ZNF385D: variants seen among roughly 807,000 people sequenced by gnomAD.
The protein encoded by ZNF385D is zinc finger protein 659.
A neutral mutation model predicts 35.8 loss-of-function variants in ZNF385D; 15 were observed. That is an observed-to-expected ratio of 0.42 (90% confidence interval 0.28 to 0.64). The LOEUF (loss-of-function observed/expected upper bound fraction) is 0.64. ZNF385D is among the 30% of genes least tolerant of loss of function. The pLI, the probability that ZNF385D is intolerant of heterozygous loss-of-function variation, is 0.23. For synonymous variants in ZNF385D, 212 were observed against 186.8 expected, an observed-to-expected ratio of 1.13 and a Z score of -1.10; for missense variants, 474 against 494.6, an observed-to-expected ratio of 0.96 and a Z score of 0.39.
At chr3:21,787,804 G>T (rs1287233470) in intron 3 of ZNF385D, among the ~76,000 whole-genome samples, 1 of 151,850 alleles carries the variant, frequency 6.6e-6, no homozygotes, top group African/African-American at 2.4e-5. Flanking sequence ...GAAGAAGAGC[G>T]TACTTTTTTA....
intron 2 of ZNF385D, among the ~76,000 whole-genome samples, chr3:21,566,847 T>G (rs2063165887): frequency 6.6e-6 from 1 of 152,170 alleles, no homozygotes; most frequent in South Asian, 2.1e-4. Flanking sequence ...GGTCATTCTC[T>G]GCCTCCTCCT....
At chr3:21,425,975 G>A (rs1701005883) in intron 5 of ZNF385D, among the ~76,000 whole-genome samples, 1 of 152,076 alleles carries the variant, frequency 6.6e-6, no homozygotes, top group Non-Finnish European at 1.5e-5. Flanking sequence ...AAACTTTAGA[G>A]TCCTGAGGGG....
chr3:22,342,831 T>TC (rs1230389849), intron 2 of ZNF385D, among the ~76,000 whole-genome samples: 1 of 152,186 alleles, frequency 6.6e-6, no homozygotes, highest in Non-Finnish European at 1.5e-5. Flanking sequence ...AAAGAACTTC[T>TC]CCAAGAGACC....
At chr3:22,003,780 T>C (rs1559839489) in intron 3 of ZNF385D, among the ~76,000 whole-genome samples, 3 of 151,676 alleles carry the variant, frequency 2.0e-5, no homozygotes, top group Admixed American at 6.6e-5. Flanking sequence ...GGCGGGAGAA[T>C]TGCTTGAACC....
chr3:22,272,258 T>C (rs546037940), intron 2 of ZNF385D, among the ~76,000 whole-genome samples: 2 of 152,186 alleles, frequency 1.3e-5, no homozygotes, highest in South Asian at 4.1e-4. Flanking sequence ...TAACTTGCAA[T>C]ATTATCAACT....
At chr3:21,592,578 A>AG (rs1203628736) in intron 2 of ZNF385D, among the ~76,000 whole-genome samples, 1 of 150,088 alleles carries the variant, frequency 6.7e-6, no homozygotes, top group Non-Finnish European at 1.5e-5. Context: ...AAAAAAAACA[A>AG]TTATTGCATT....
intron 3 of ZNF385D, among the ~76,000 whole-genome samples, chr3:22,112,896 C>G (rs546546451): frequency 6.6e-6 from 1 of 152,068 alleles, no homozygotes; most frequent in South Asian, 2.1e-4. Context: ...TTCAGTAAAT[C>G]CAGAGATGAA....
At chr3:21,752,759 T>C (rs193035881), upstream of ZNF385D, among the ~76,000 whole-genome samples, 215 of 152,222 alleles carry the variant, frequency 1.4e-3, no homozygotes, top group Middle Eastern at 6.8e-3. Context: ...TTAACTTTTT[T>C]ACTCCCTTTT....
At chr3:21,475,929 T>A (rs1234835429) in intron 4 of ZNF385D, among the ~76,000 whole-genome samples, 1 of 151,810 alleles carries the variant, frequency 6.6e-6, no homozygotes, top group Non-Finnish European at 1.5e-5. Context: ...ATCCTTTAGA[T>A]ATAGCTTTTG....
At chr3:22,086,293 T>G (rs1701038505) in intron 3 of ZNF385D, among the ~76,000 whole-genome samples, 1 of 152,176 alleles carries the variant, frequency 6.6e-6, no homozygotes, top group Non-Finnish European at 1.5e-5. Flanking sequence ...TGATTGTATA[T>G]TTAGAAAACC....
At chr3:22,098,207 T>C (rs1467410867) in intron 3 of ZNF385D, among the ~76,000 whole-genome samples, 1 of 152,066 alleles carries the variant, frequency 6.6e-6, no homozygotes, top group African/African-American at 2.4e-5. Flanking sequence ...CACGTGATTT[T>C]CAACCTTGCA....
chr3:21,414,521 T>C lies in ZNF385D; in HGVS notation c.*6693A>G, dbSNP rs1700534916. 2 of 152,176 alleles carry C rather than the reference T, an allele frequency of 1.3e-5. No individual in the cohort carries two copies. The highest frequency in any genetic ancestry group is 4.8e-5 in the African/African-American group (2 of 41,450). The allele number at this position is 152,176 out of a possible 1,614,324, so 9.4% of individuals were successfully genotyped here. On this transcript the variant is annotated 3_prime_UTR_variant, in exon 8 of 8. Coordinates refer to ENST00000281523, the MANE Select transcript of ZNF385D (RefSeq NM_024697.3). ...TTTTAAAACGACTTTATGAAATTTA[T>C]AGAAATATGGCTTAGATTTTGGAGC...
rs551432145 is a variant in ZNF385D, at chr3:22,342,155, T to TA, written c.106+30294dup. Among the ~76,000 whole-genome samples the TA allele has an allele frequency of 9.2e-3, 1,391 of 151,512 alleles. 24 individuals carry two copies. Among genetic ancestry groups the TA allele is most frequent in the African/African-American group, 0.031 (1,295 of 41,274 alleles). On this transcript the variant is annotated intron_variant, in intron 2 of 5. Transcript: ENST00000494108. Reference sequence around the variant, plus strand: ...AGCCGGGCATGGTGGCGGGAGCCTGTAGACCCAGCTACTCGGGAGACTGAG... The same window carrying TA: ...AGCCGGGCATGGTGGCGGGAGCCTGTAAGACCCAGCTACTCGGGAGACTGAG...
chr3:22,263,140 G>T (rs550922626), intron 2 of ZNF385D, among the ~76,000 whole-genome samples: 4 of 151,898 alleles, frequency 2.6e-5, no homozygotes, highest in Admixed American at 6.6e-5. Context: ...TGTTAATTCT[G>T]TCCAGATCAG....
intron 1 of ZNF385D, among the ~76,000 whole-genome samples, chr3:21,706,103 T>G (rs568229687): frequency 6.6e-6 from 1 of 152,196 alleles, no homozygotes; most frequent in Non-Finnish European, 1.5e-5. Flanking sequence ...GTCCTTAGAA[T>G]AGTTACTCAT....
intron 3 of ZNF385D, among the ~76,000 whole-genome samples, chr3:21,882,194 T>C (rs1425979670): frequency 6.6e-6 from 1 of 151,994 alleles, no homozygotes; most frequent in African/African-American, 2.4e-5. Context: ...CAAACAGCAT[T>C]GCATGCTACA....
chr3:21,870,119 A>G (rs1443590480), intron 3 of ZNF385D, among the ~76,000 whole-genome samples: 1 of 152,144 alleles, frequency 6.6e-6, no homozygotes, highest in African/African-American at 2.4e-5. Context: ...GTATAACTGC[A>G]GATTTAAGGA....
At position 21,663,915 on chromosome 3, in the gene ZNF385D, A is replaced by ATATATATATATATATATTTATT. The variant is rs1159950305; in HGVS notation, c.165+970_165+971insAATAAATATATATATATATATA. ...AATATATATATATATATATATATAT[A>ATATATATATATATATATTTATT]TATTTATTTATTTAAATCCATCATG... On this transcript the variant is annotated intron_variant, in intron 2 of 7. Coordinates refer to ENST00000281523, the MANE Select transcript of ZNF385D (RefSeq NM_024697.3). Among the ~76,000 whole-genome samples the ATATATATATATATATATTTATT allele has an allele frequency of 2.1e-3, 223 of 105,758 alleles. 3 individuals are homozygous for ATATATATATATATATATTTATT. Among genetic ancestry groups the ATATATATATATATATATTTATT allele is most frequent in the Admixed American group, 9.5e-3 (94 of 9,910 alleles). The allele number at this position is 105,758 out of a possible 152,430, so 69.4% of individuals were successfully genotyped here.
At chr3:21,514,077 C>A (rs1707403610) in intron 3 of ZNF385D, among the ~76,000 whole-genome samples, 1 of 152,016 alleles carries the variant, frequency 6.6e-6, no homozygotes, top group South Asian at 2.1e-4. Flanking sequence ...CATCAGTTGG[C>A]CTGGGATGTC....
Sources: gnomAD v4.1 joint callset for allele counts (sites outside exome capture counted in the v4.1 genomes callset) on GRCh38, gnomAD v4.1.1 for gene constraint, MANE v1.5 for transcripts, NCBI Gene and HGNC (gene_info 2026-07-23, HGNC 2026-07-21) for gene names.